The following TRAF3IP2 variants were observed in gnomAD, a reference collection of about 807,000 sequenced individuals.
TRAF3IP2 encodes TRAF3 interacting protein 2.
In TRAF3IP2, 35 loss-of-function variants were observed where a neutral mutation model predicts 57.9. That is an observed-to-expected ratio of 0.60 (90% confidence interval 0.46 to 0.80). TRAF3IP2 has a LOEUF of 0.80. Ranked by LOEUF, TRAF3IP2 falls within the 30% of genes least tolerant of loss-of-function variation. The pLI is 0.00. For missense variants in TRAF3IP2, 556 were observed against 706.4 expected (o/e 0.79, Z 2.41); for synonymous variants, 251 against 268.9 (o/e 0.93, Z 0.65).
intron 1 of TRAF3IP2, among the ~76,000 whole-genome samples, chr6:111,592,650 T>G (rs1294155510): frequency 6.6e-6 from 1 of 152,214 alleles, no homozygotes; most frequent in Non-Finnish European, 1.5e-5. Flanking sequence ...TGGTTGCCTT[T>G]GAGGATGGAA....
chr6:111,593,951 C>T (rs1469913342), intron 1 of TRAF3IP2, among the ~76,000 whole-genome samples: 2 of 151,996 alleles, frequency 1.3e-5, no homozygotes, highest in African/African-American at 4.8e-5. Context: ...GCTAACATGG[C>T]AAAACCCCCT....
intron 8 of TRAF3IP2, among the ~76,000 whole-genome samples, 193 bp from the exon 9 acceptor site, chr6:111,559,744 A>G (rs1279916117): frequency 6.6e-6 from 1 of 152,208 alleles, no homozygotes; most frequent in African/African-American, 2.4e-5. Flanking sequence ...TACAAGCTGT[A>G]TATCTCATTA....
chr6:111,603,193 G>A (rs1796927610), intron 1 of TRAF3IP2, among the ~76,000 whole-genome samples: 3 of 152,290 alleles, frequency 2.0e-5, no homozygotes, highest in East Asian at 1.9e-4. Flanking sequence ...TGCTGGGCAC[G>A]GGAGGCAAAG....
intron 5 of TRAF3IP2, among the ~76,000 whole-genome samples, chr6:111,570,066 A>G (rs920969597): frequency 3.3e-5 from 5 of 152,192 alleles, no homozygotes; most frequent in Non-Finnish European, 5.9e-5. Flanking sequence ...GGTGATATGT[A>G]TGGGCCCTAA....
rs1317226267 is a variant in TRAF3IP2, at chr6:111,591,626, T to C, written c.461A>G (p.His154Arg). ...ACTTTGGTCTGATTTGTCTGAGTCA[T>C]GGCCAGTGTCAGGAGAAGCCGCTGA... is the stretch of plus-strand genomic sequence containing the variant. ...QLSAASPDTG[H>R]DSDKSDQSLP... is the part of the protein sequence containing the mutation. Residue 154 changes from histidine (H) to arginine (R), a missense_variant, in exon 2 of 9, where the codon CAT becomes CGT. This residue lies in a region of TRAF3IP2 where 428 missense variants were observed against 498.7 expected (regional missense o/e 0.86). Coordinates refer to ENST00000368761, the MANE Select transcript of TRAF3IP2 (RefSeq NM_147686.4). This position sits in a 1 kb window ranked among gnomAD's most constrained non-coding sequence, Gnocchi z 4.9. 7 of 1,614,102 alleles carry C rather than the reference T, an allele frequency of 4.3e-6. No individual in the cohort carries two copies. The highest frequency in any genetic ancestry group is 3.3e-5 in the South Asian group (3 of 91,088).
In TRAF3IP2 at chr6:111,557,382, C is replaced by CAGAT. The variant is rs908477744; in HGVS notation, c.*2019_*2022dup. On this transcript the variant is annotated 3_prime_UTR_variant, in exon 9 of 9. Transcript: ENST00000368761. Reference sequence around the variant, plus strand: ...ACCAGGTAAACAAGATATATAGATACAGATAGATATCCAAAATTATCAACC... The same window carrying CAGAT: ...ACCAGGTAAACAAGATATATAGATACAGATAGATAGATATCCAAAATTATCAACC... 26 of 149,264 alleles carry CAGAT rather than the reference C, an allele frequency of 1.7e-4. No homozygotes were observed. The highest frequency in any genetic ancestry group is 4.9e-4 in the African/African-American group (20 of 40,456). The allele number at this position is 149,264 out of a possible 1,614,324, so 9.2% of individuals were successfully genotyped here.
At chr6:111,566,414 G>T in intron 7 of TRAF3IP2, 30 bp downstream of exon 7, 1 of 1,534,696 alleles carries the variant, frequency 6.5e-7, no homozygotes, top group Non-Finnish European at 9.0e-7. Context: ...CCAGGGGACA[G>T]TGAGGTGTTG....
In TRAF3IP2 at chr6:111,602,920, C is replaced by A. The variant is rs140566646; in HGVS notation, c.-9+2856G>T. Among the ~76,000 whole-genome samples the A allele has an allele frequency of 3.0e-3, 461 of 152,236 alleles. 2 individuals are homozygous for A. Among genetic ancestry groups the A allele is most frequent in the African/African-American group, 0.011 (444 of 41,546 alleles). ...GGAGAGGGGCACAGGCTGGGAGCTC[C>A]GGTCAGTCCTGGCCCTCCTAAAGGG... On this transcript the variant is annotated intron_variant, in intron 1 of 8. Coordinates refer to ENST00000368761, the MANE Select transcript of TRAF3IP2 (RefSeq NM_147686.4).
At position 111,591,299 on chromosome 6, in the gene TRAF3IP2, T is replaced by C. The variant is rs1191477990; in HGVS notation, c.788A>G (p.Tyr263Cys). ...GGGACTTCCAGGACAATGGTAATGATAGTTCCATGGAGCATGTGGGGAAAG... is the reference window on the plus strand; with the variant it reads ...GGGACTTCCAGGACAATGGTAATGACAGTTCCATGGAGCATGTGGGGAAAG... The part of the protein sequence containing the change: ...PNLSPHAPWN[Y>C]HYHCPGSPDH... The change falls in exon 2 of 9, where the codon TAT becomes TGT. Residue 263 changes from tyrosine to cysteine, a missense_variant. Physicochemically the swap from Tyr to Cys is radical, Grantham distance 194 (BLOSUM62 -2). This residue lies in a region of TRAF3IP2 where 428 missense variants were observed against 498.7 expected (regional missense o/e 0.86). Coordinates refer to ENST00000368761, the MANE Select transcript of TRAF3IP2 (RefSeq NM_147686.4). This position sits in a 1 kb window ranked among gnomAD's most constrained non-coding sequence, Gnocchi z 4.9. The C allele has an allele frequency of 6.6e-7, 1 of 1,510,388 alleles. No homozygotes were observed. The highest frequency in any genetic ancestry group is 8.8e-7 in the Non-Finnish European group (1 of 1,130,018). The allele number at this position is 1,510,388 out of a possible 1,614,324, so 93.6% of individuals were successfully genotyped here. A position where few individuals can be genotyped will look rare whatever the true frequency, so the allele number is the denominator to read the frequency against.
At chr6:111,605,249 G>C (rs993632891) in intron 1 of TRAF3IP2, among the ~76,000 whole-genome samples, 17 of 152,216 alleles carry the variant, frequency 1.1e-4, no homozygotes, top group Admixed American at 9.2e-4. Flanking sequence ...TGCGGAGAGG[G>C]GCCGGGAGGC....
chr6:111,582,927 T>A (rs1796211401), intron 2 of TRAF3IP2, among the ~76,000 whole-genome samples: 1 of 152,170 alleles, frequency 6.6e-6, no homozygotes, highest in East Asian at 1.9e-4. Flanking sequence ...GTCCAGAATG[T>A]TTTTGCCCTA....
In TRAF3IP2 at chr6:111,562,959, G is replaced by A; in HGVS notation, c.1551+6C>T. The stretch of plus-strand genomic sequence containing the variant: ...TTATGAGGATTTTGTTTCTTTGTTT[G>A]TTTACCTTCTTAGCATTTGGGAAGA... On this transcript the variant is annotated splice_donor_region_variant and intron_variant, in intron 8 of 8. Transcript: ENST00000368761. 6.2e-7 allele frequency: 1 copy of A among 1,606,068 alleles called. No homozygotes were observed. The highest frequency in any genetic ancestry group is 8.5e-7 in the Non-Finnish European group (1 of 1,175,742).
chr6:111,600,269 A>G (rs1796825870), intron 1 of TRAF3IP2: 1 of 152,228 alleles, frequency 6.6e-6, no homozygotes, highest in Non-Finnish European at 1.5e-5. Flanking sequence ...TGCTAATACT[A>G]TTCTATGAAG....
In TRAF3IP2 at chr6:111,591,760, C is replaced by A. The variant is rs1460434032; in HGVS notation, c.327G>T (p.Gly109=). Reference sequence around the variant, plus strand: ...ACGCAGGCTCGCTGACTGCAGAGCACCCAGAAGGGAAAGCTTTGCCCAGGC... The same window carrying A: ...ACGCAGGCTCGCTGACTGCAGAGCAACCAGAAGGGAAAGCTTTGCCCAGGC... The part of the protein sequence containing the change: ...HPGLGKAFPS[G]CSAVSEPASE... The change falls in exon 2 of 9, where the codon GGG becomes GGT. Residue 109 remains glycine, a synonymous_variant. Coordinates refer to ENST00000368761, the MANE Select transcript of TRAF3IP2 (RefSeq NM_147686.4). This position sits in a 1 kb window ranked among gnomAD's most constrained non-coding sequence, Gnocchi z 4.9. The A allele has an allele frequency of 1.9e-6, 3 of 1,614,186 alleles. No homozygotes were observed. In the South Asian group the frequency reaches 3.3e-5, roughly 18 times the overall value.
At chr6:111,605,240 G>T (rs1796984027) in intron 1 of TRAF3IP2, among the ~76,000 whole-genome samples, 2 of 152,260 alleles carry the variant, frequency 1.3e-5, no homozygotes, top group South Asian at 4.1e-4. Context: ...GAGGGCGGCT[G>T]CGGAGAGGGG....
At chr6:111,598,469 A>G (rs910794704) in intron 1 of TRAF3IP2, among the ~76,000 whole-genome samples, 1 of 152,250 alleles carries the variant, frequency 6.6e-6, no homozygotes, top group Non-Finnish European at 1.5e-5. Flanking sequence ...AAACTGTAGT[A>G]TATCTGTACA....
chr6:111,572,193 T>C (rs1342923742), intron 5 of TRAF3IP2, among the ~76,000 whole-genome samples: 2 of 152,118 alleles, frequency 1.3e-5, no homozygotes, highest in East Asian at 1.9e-4. Flanking sequence ...TTATTTATCA[T>C]AGAGAAAAAT....
chr6:111,584,660 A>T (rs144002581), intron 2 of TRAF3IP2, among the ~76,000 whole-genome samples: 2 of 152,022 alleles, frequency 1.3e-5, no homozygotes, highest in African/African-American at 4.8e-5. Flanking sequence ...AAAAAAAGAA[A>T]CAAGAAAAGT....
intron 5 of TRAF3IP2, among the ~76,000 whole-genome samples, chr6:111,569,297 A>T (rs1486394205): frequency 6.6e-6 from 1 of 152,180 alleles, no homozygotes; most frequent in African/African-American, 2.4e-5. Context: ...GCCACTTCCC[A>T]CCTGCATGAC....
Sources: gnomAD v4.1 joint callset for allele counts (sites outside exome capture counted in the v4.1 genomes callset) on GRCh38, gnomAD v4.1.1 for gene constraint, gnomAD v4.1.1 regional missense constraint, Gnocchi (gnomAD v3.1) non-coding constraint, MANE v1.5 for transcripts, NCBI Gene and HGNC (gene_info 2026-07-23, HGNC 2026-07-21) for gene names.